Variants in SIN3A observed in about 807,000 individuals in gnomAD.
SIN3A encodes the protein SIN3 transcription regulator family member A, also known as paired amphipathic helix protein Sin3a.
SIN3A carries 14 observed loss-of-function variants against 146.1 expected under a neutral mutation model. The observed-to-expected ratio is 0.10, with a 90% CI of 0.06 to 0.15. SIN3A has a LOEUF of 0.15. Among genes scored for constraint, SIN3A ranks in the 10% least tolerant of loss-of-function variants. The pLI, the probability that SIN3A is intolerant of heterozygous loss-of-function variation, is 1.00. For synonymous variants in SIN3A, 572 were observed against 572.0 expected (o/e 1.00, Z 0.00); for missense variants, 1,028 against 1,576.0 (o/e 0.65, Z 5.89).
chr15:75,454,217 C>A (rs1208608499), upstream of SIN3A, among the ~76,000 whole-genome samples: 1 of 152,076 alleles, frequency 6.6e-6, no homozygotes, highest in Non-Finnish European at 1.5e-5. Context: ...AGGCGGAGCT[C>A]GGGAGAATGT....
chr15:75,381,156 A>ACC lies in SIN3A; in HGVS notation c.3289-435_3289-434dup, dbSNP rs369306465. The ACC allele has an allele frequency of 2.2e-3, 359 of 165,748 alleles. 1 individual carries two copies. Among genetic ancestry groups the ACC allele is most frequent in the African/African-American group, 8.4e-3 (334 of 39,638 alleles). 10.3% of individuals were successfully genotyped at this position (165,748 alleles called of 1,614,324 possible). ...CCACCAAAACAAGTCATCCCACACGACCCCCCCCAACATCATACATATGGC... is the reference window on the plus strand; with the variant it reads ...CCACCAAAACAAGTCATCCCACACGACCCCCCCCCCAACATCATACATATGGC... On this transcript the variant is annotated intron_variant, in intron 18 of 20. Coordinates refer to ENST00000394947, the MANE Select transcript of SIN3A (RefSeq NM_001145358.2).
At chr15:75,418,335 ATTTAT>A (rs1484877372) in intron 3 of SIN3A, among the ~76,000 whole-genome samples, 2 of 141,008 alleles carry the variant, frequency 1.4e-5, no homozygotes, top group South Asian at 2.2e-4. Flanking sequence ...TGGCCTATTT[ATTTAT>A]TTTGAGACAT....
At chr15:75,414,176 A>G in intron 4 of SIN3A, 29 bp downstream of exon 4, 1 of 1,179,608 alleles carries the variant, frequency 8.5e-7, no homozygotes, top group Non-Finnish European at 1.2e-6. Context: ...GCCAGATACA[A>G]AGCTTGAGTA....
chr15:75,378,887 G>GATATATAT lies in SIN3A; in HGVS notation c.3383+1734_3383+1741dup, dbSNP rs61263220. Among the ~76,000 whole-genome samples the GATATATAT allele has an allele frequency of 1.1e-3, 162 of 144,980 alleles. 1 individual carries two copies. The highest frequency in any genetic ancestry group is 1.1e-3 in the South Asian group (5 of 4,596). ...ATATTATTTAAGAAAATATAATAGGGATATATATATATATATATATATTTT... is the reference window on the plus strand; with the variant it reads ...ATATTATTTAAGAAAATATAATAGGGATATATATATATATATATATATATATATATTTT... On this transcript the variant is annotated intron_variant, in intron 19 of 20. Transcript: ENST00000394947.
At chr15:75,437,334 C>CTTTTGTA (rs1241229305) in intron 1 of SIN3A, among the ~76,000 whole-genome samples, 2 of 152,086 alleles carry the variant, frequency 1.3e-5, no homozygotes, top group African/African-American at 4.8e-5. Flanking sequence ...CCATATCTAA[C>CTTTTGTA]TTTTGTATTT....
At chr15:75,403,425 C>T (rs950230534) in intron 9 of SIN3A, among the ~76,000 whole-genome samples, 5 of 150,378 alleles carry the variant, frequency 3.3e-5, no homozygotes, top group Admixed American at 2.0e-4. Flanking sequence ...AGCGAAACTC[C>T]GTCTCAAAAA....
At chr15:75,430,543 G>A in intron 1 of SIN3A, 135 bp from the exon 2 acceptor site, 1 of 607,020 alleles carries the variant, frequency 1.6e-6, no homozygotes, top group South Asian at 2.7e-5. Context: ...TAGTGATGAA[G>A]TTTAAGTGCA....
chr15:75,441,037 G>A (rs969485153), intron 1 of SIN3A, among the ~76,000 whole-genome samples: 1 of 151,254 alleles, frequency 6.6e-6, no homozygotes, highest in Non-Finnish European at 1.5e-5. Flanking sequence ...GCCAGGTGCA[G>A]TGGCTCACGC....
At chr15:75,394,984 T>C (rs2073276180) in intron 13 of SIN3A, 121 bp from the exon 14 acceptor site, 1 of 823,068 alleles carries the variant, frequency 1.2e-6, no homozygotes, top group Non-Finnish European at 1.9e-6. Flanking sequence ...CTCTCAAAAT[T>C]ACTGGCAACT....
intron 1 of SIN3A, among the ~76,000 whole-genome samples, chr15:75,437,633 A>G (rs896084666): frequency 1.3e-5 from 2 of 152,230 alleles, no homozygotes; most frequent in Non-Finnish European, 2.9e-5. Context: ...AGAGGGGTAC[A>G]GTGTAATTCT....
At chr15:75,443,352 G>C (rs923709620) in intron 1 of SIN3A, among the ~76,000 whole-genome samples, 2 of 152,146 alleles carry the variant, frequency 1.3e-5, no homozygotes, top group African/African-American at 4.8e-5. Flanking sequence ...CCTTCACCTA[G>C]ATTCTCCAAA....
chr15:75,414,322 G>T lies in SIN3A; in HGVS notation c.367-11C>A. 6 of 1,387,328 alleles carry T rather than the reference G, an allele frequency of 4.3e-6. No homozygotes were observed. The highest frequency in any genetic ancestry group is 4.8e-6 in the Non-Finnish European group (5 of 1,033,468). 85.9% of individuals were successfully genotyped at this position (1,387,328 alleles called of 1,614,324 possible). A position where few individuals can be genotyped will look rare whatever the true frequency, so the allele number is the denominator to read the frequency against. ...TAGCGCATCCTCCACCTGAGGCAGG[G>T]ATAAATATCAAGGTTATAAAAAGAA... On this transcript the variant is annotated splice_polypyrimidine_tract_variant and intron_variant, in intron 3 of 20. Transcript: ENST00000394947.
At chr15:75,415,550 C>T in intron 3 of SIN3A, 2 of 197,608 alleles carry the variant, frequency 1.0e-5, no homozygotes, top group South Asian at 1.0e-4. Context: ...AAGCCAGAGC[C>T]CAACCCTAAA....
chr15:75,426,005 T>C (rs1212044381), intron 2 of SIN3A, among the ~76,000 whole-genome samples: 1 of 152,246 alleles, frequency 6.6e-6, no homozygotes, highest in Non-Finnish European at 1.5e-5. Flanking sequence ...AAAGCTCTAA[T>C]GTACCTCAAA....
chr15:75,455,419 G>A (rs1405843677), upstream of SIN3A, among the ~76,000 whole-genome samples: 5 of 152,156 alleles, frequency 3.3e-5, no homozygotes, highest in African/African-American at 7.2e-5. Context: ...CGGCACAACA[G>A]GAGTCGGGGG....
At chr15:75,403,508 CA>C (rs1289342042) in intron 9 of SIN3A, among the ~76,000 whole-genome samples, 1 of 151,400 alleles carries the variant, frequency 6.6e-6, no homozygotes, top group African/African-American at 2.4e-5. Flanking sequence ...TTCTCCACAC[CA>C]TATCAGAGTT....
chr15:75,373,232 G>A (rs1159239371), intron 20 of SIN3A, among the ~76,000 whole-genome samples: 1 of 152,148 alleles, frequency 6.6e-6, no homozygotes, highest in Non-Finnish European at 1.5e-5. Flanking sequence ...AAAAAAATGA[G>A]CCAGGTGTGG....
At chr15:75,386,517 T>A (rs1004596798) in intron 16 of SIN3A, among the ~76,000 whole-genome samples, 5 of 152,142 alleles carry the variant, frequency 3.3e-5, no homozygotes, top group African/African-American at 2.4e-5. Flanking sequence ...AGAGAGGGTG[T>A]TCAATAGATT....
At chr15:75,454,027 G>A (rs2074450671), upstream of SIN3A, 1 of 152,260 alleles carries the variant, frequency 6.6e-6, no homozygotes, top group Non-Finnish European at 1.5e-5. Flanking sequence ...GCGGAGGGAG[G>A]CGGGGAGCAA....
Sources: gnomAD v4.1 joint callset for allele counts (sites outside exome capture counted in the v4.1 genomes callset) on GRCh38, gnomAD v4.1.1 for gene constraint, MANE v1.5 for transcripts, NCBI Gene and HGNC (gene_info 2026-07-23, HGNC 2026-07-21) for gene names.